Variants in ATP6V0A4 observed in about 807,000 individuals in gnomAD.
ATP6V0A4 encodes V-type proton ATPase 116 kDa subunit a 4.
In ATP6V0A4, 86 loss-of-function variants were observed where a neutral mutation model predicts 107.3. The observed-to-expected ratio is 0.80, with a 90% CI of 0.67 to 0.96. The LOEUF (loss-of-function observed/expected upper bound fraction) is 0.96, where lower values mean the gene tolerates loss of function less well. ATP6V0A4 is among the 40% of genes least tolerant of loss of function. The pLI is 0.00. For missense variants in ATP6V0A4, 908 were observed against 1,045.6 expected (o/e 0.87, Z 1.81); for synonymous variants, 353 against 381.4 (o/e 0.93, Z 0.87).
intron 8 of ATP6V0A4, among the ~76,000 whole-genome samples, chr7:138,759,042 T>G (rs1447938523): frequency 7.1e-6 from 1 of 140,738 alleles, no homozygotes; most frequent in African/African-American, 2.7e-5. Context: ...TGAGCCACCA[T>G]GCCCAGCCTA....
rs1160754428 is a variant in ATP6V0A4, at chr7:138,798,076, T to C, written c.-163A>G. On this transcript the variant is annotated 5_prime_UTR_variant, in exon 1 of 22. Transcript: ENST00000310018. ...CACAACTCCGCAGGACCGGCTCACC[T>C]GCACCGGGCACTCAGCACAGCCTCC... The C allele has an allele frequency of 3.8e-6, 6 of 1,579,952 alleles. No homozygotes were observed. The highest frequency in any genetic ancestry group is 5.2e-6 in the Non-Finnish European group (6 of 1,163,548).
At chr7:138,737,874 G>A (rs113570430) in intron 15 of ATP6V0A4, among the ~76,000 whole-genome samples, 8 of 151,082 alleles carry the variant, frequency 5.3e-5, no homozygotes, top group African/African-American at 1.9e-4. Flanking sequence ...CAATTCTCCT[G>A]CCTCAGCCTC....
intron 19 of ATP6V0A4, among the ~76,000 whole-genome samples, chr7:138,718,180 G>A (rs1804181494): frequency 8.8e-6 from 1 of 113,058 alleles, no homozygotes; most frequent in South Asian, 2.9e-4. Context: ...GTCTGTGGAG[G>A]GAGACGTCCA....
At chr7:138,744,396 C>A (rs889255978) in intron 14 of ATP6V0A4, among the ~76,000 whole-genome samples, 1 of 151,946 alleles carries the variant, frequency 6.6e-6, no homozygotes, top group Admixed American at 6.6e-5. Context: ...TGCCACCATG[C>A]CCAGCTAATT....
chr7:138,783,968 T>C (rs1808031765), intron 2 of ATP6V0A4, among the ~76,000 whole-genome samples: 1 of 151,824 alleles, frequency 6.6e-6, no homozygotes, highest in Non-Finnish European at 1.5e-5. Context: ...TTCCCTACTG[T>C]GAACCTCAAG....
chr7:138,787,665 C>T (rs1226636110), intron 1 of ATP6V0A4, among the ~76,000 whole-genome samples: 3 of 152,004 alleles, frequency 2.0e-5, no homozygotes, highest in Non-Finnish European at 4.4e-5. Flanking sequence ...TAAATAAATA[C>T]ATAAATAAAA....
intron 2 of ATP6V0A4, among the ~76,000 whole-genome samples, chr7:138,785,278 CTTTTTTTT>C (rs67440202): frequency 1.5e-5 from 2 of 131,678 alleles, no homozygotes; most frequent in African/African-American, 5.6e-5. Context: ...TTTCTTTTTT[CTTTTTTTT>C]TTTTTTTTGA....
At chr7:138,706,857 C>G (rs1317170114) in intron 21 of ATP6V0A4, 140 bp from the exon 22 acceptor site, 1 of 1,379,044 alleles carries the variant, frequency 7.3e-7, no homozygotes, top group Non-Finnish European at 9.8e-7. Flanking sequence ...CGGCAGGCAC[C>G]CAGGCTGATG....
At chr7:138,797,107 T>C (rs973110689) in intron 1 of ATP6V0A4, among the ~76,000 whole-genome samples, 13 of 152,166 alleles carry the variant, frequency 8.5e-5, no homozygotes, top group Non-Finnish European at 1.6e-4. Context: ...TCCTTACCTC[T>C]GGACCTTTGC....
chr7:138,790,965 A>T (rs1342174412), intron 1 of ATP6V0A4, among the ~76,000 whole-genome samples: 1 of 152,218 alleles, frequency 6.6e-6, no homozygotes, highest in African/African-American at 2.4e-5. Context: ...ACAATAAAAA[A>T]TAACCAGGTA....
intron 19 of ATP6V0A4, among the ~76,000 whole-genome samples, chr7:138,717,920 A>AAAAG (rs1804134913): frequency 6.7e-6 from 1 of 150,296 alleles, no homozygotes. Context: ...AAAAAAAAAA[A>AAAAG]AAAAAAAAAA....
At chr7:138,734,005 T>C (rs1805171369) in intron 16 of ATP6V0A4, 131 bp downstream of exon 16, 4 of 1,028,794 alleles carry the variant, frequency 3.9e-6, no homozygotes, top group Non-Finnish European at 5.8e-6. Flanking sequence ...CAAGCCCAGA[T>C]GCCCAGGGAA....
chr7:138,775,644 ATTTTT>A (rs36128448), intron 2 of ATP6V0A4, among the ~76,000 whole-genome samples: 63 of 89,052 alleles, frequency 7.1e-4, no homozygotes, highest in African/African-American at 1.8e-3. Context: ...GATTGGGCTG[ATTTTT>A]TTTTTTTTTT....
intron 18 of ATP6V0A4, among the ~76,000 whole-genome samples, chr7:138,727,447 T>G (rs1804777808): frequency 6.6e-6 from 1 of 152,190 alleles, no homozygotes; most frequent in Non-Finnish European, 1.5e-5. Flanking sequence ...AATAACCAAG[T>G]CTTCCTTGCT....
rs187513674 is a variant in ATP6V0A4, at chr7:138,735,789, G to A, written c.1573-1535C>T. On this transcript the variant is annotated intron_variant, in intron 15 of 21. Transcript: ENST00000310018. ...AGGGCGGGTCTGCTAGTACACTTTA[G>A]ACCCAGCCAAATCTGACACATTAAA... Among the ~76,000 whole-genome samples, 43 of 152,386 alleles carry A rather than the reference G, an allele frequency of 2.8e-4. 1 individual carries two copies. The highest frequency in any genetic ancestry group is 2.2e-3 in the Admixed American group (33 of 15,310).
intron 1 of ATP6V0A4, among the ~76,000 whole-genome samples, chr7:138,787,132 C>A (rs1247201851): frequency 6.6e-6 from 1 of 152,130 alleles, no homozygotes; most frequent in African/African-American, 2.4e-5. Context: ...GGAAGCAGAA[C>A]CCAGGGCTCT....
intron 1 of ATP6V0A4, among the ~76,000 whole-genome samples, chr7:138,793,779 A>G (rs1808532731): frequency 6.6e-6 from 1 of 152,226 alleles, no homozygotes; most frequent in South Asian, 2.1e-4. Flanking sequence ...GGAATAAGAT[A>G]CAGGACCTAG....
chr7:138,774,348 G>A (rs1807541336), intron 2 of ATP6V0A4, among the ~76,000 whole-genome samples: 2 of 152,068 alleles, frequency 1.3e-5, no homozygotes, highest in Admixed American at 6.6e-5. Flanking sequence ...GGAGGCTGAG[G>A]TGGGCGGATC....
rs372340502 is a variant in ATP6V0A4, at chr7:138,726,179, C to T, written c.2010+2582G>A. 7.1e-3 allele frequency among the ~76,000 whole-genome samples: 1,074 copies of T among 152,042 alleles called. 10 individuals carry two copies. Among genetic ancestry groups the T allele is most frequent in the East Asian group, 0.055 (283 of 5,120 alleles). ...TAATTTTTTGTATTTTTAGTAGAGACGGGGTTTCACCGTGTTAGCCAGGAT... is the reference window on the plus strand; with the variant it reads ...TAATTTTTTGTATTTTTAGTAGAGATGGGGTTTCACCGTGTTAGCCAGGAT... On this transcript the variant is annotated intron_variant, in intron 18 of 21. Coordinates refer to ENST00000310018, the MANE Select transcript of ATP6V0A4 (RefSeq NM_020632.3).
Sources: allele counts gnomAD v4.1 joint callset (sites outside exome capture counted in the v4.1 genomes callset), GRCh38; gene constraint gnomAD v4.1.1; transcripts MANE v1.5; gene names NCBI Gene and HGNC (gene_info 2026-07-23, HGNC 2026-07-21).